The following BRCA1 variants were observed in gnomAD, a reference collection of about 807,000 sequenced individuals.
The protein encoded by BRCA1 is BRCA1 DNA repair associated.
Under a neutral mutation model 173.7 loss-of-function variants are expected in BRCA1, and 140 were observed. The observed-to-expected ratio is 0.81, with a 90% CI of 0.70 to 0.93. BRCA1 has a LOEUF of 0.93. Ranked by LOEUF, BRCA1 falls within the 40% of genes least tolerant of loss-of-function variation. The pLI is 0.00. For missense variants in BRCA1, 1,983 were observed against 2,172.5 expected, an observed-to-expected ratio of 0.91 and a Z score of 1.73; for synonymous variants, 662 against 756.0, an observed-to-expected ratio of 0.88 and a Z score of 2.04.
chr17:43,129,696 G>A (rs1290920479), upstream of BRCA1, among the ~76,000 whole-genome samples: 1 of 152,134 alleles, frequency 6.6e-6, no homozygotes, highest in African/African-American at 2.4e-5. Context: ...GGATGACCTC[G>A]ATCTCCTGAC....
At chr17:43,115,620 C>T (rs1468293574) in intron 3 of BRCA1, 106 bp downstream of exon 3, 4 of 1,128,894 alleles carry the variant, frequency 3.5e-6, no homozygotes, top group Non-Finnish European at 5.2e-6. Context: ...TTTTCGTTCT[C>T]ACTTAATTGA....
At chr17:43,097,483 T>C (rs1421486535) in intron 7 of BRCA1, among the ~76,000 whole-genome samples, 194 bp from the exon 8 acceptor site, 1 of 152,214 alleles carries the variant, frequency 6.6e-6, no homozygotes, top group Non-Finnish European at 1.5e-5. Context: ...CCAGGCACAG[T>C]GGCTCTCACC....
At chr17:43,159,409 G>A (rs1400765403) in intron 1 of BRCA1, 1 of 160,324 alleles carries the variant, frequency 6.2e-6, no homozygotes, top group Non-Finnish European at 1.4e-5. Context: ...GGCCTGGCGG[G>A]GGCTGACCCC....
intron 6 of BRCA1, among the ~76,000 whole-genome samples, chr17:43,100,558 GTATA>G (rs530582154): frequency 6.4e-4 from 23 of 35,910 alleles, no homozygotes; most frequent in African/African-American, 2.0e-3. Flanking sequence ...GTGTGTGTGT[GTATA>G]TATATATATA....
intron 11 of BRCA1, among the ~76,000 whole-genome samples, chr17:43,084,911 C>T (rs927968846): frequency 5.9e-5 from 9 of 152,164 alleles, no homozygotes; most frequent in African/African-American, 1.7e-4. Context: ...CTAACCTCTA[C>T]GTGGCCATTA....
In BRCA1 at chr17:43,158,904, C is replaced by T. The variant is rs1001977673; in HGVS notation, c.-20+11222G>A. Among the ~76,000 whole-genome samples, 8 of 152,086 alleles carry T rather than the reference C, an allele frequency of 5.3e-5. 1 individual carries two copies. In the South Asian group the frequency reaches 1.5e-3, roughly 28 times the overall value. ...TTGAGGGTGTTGTAACTTTAAATAG[C>T]GGTGTCTGGAAATGAAAAGGTGGTA... On this transcript the variant is annotated intron_variant, in intron 1 of 7. Transcript: ENST00000634433.
In BRCA1 at chr17:43,071,246, G is replaced by C. The variant is rs80358021; in HGVS notation, c.4676-8C>G. Reference sequence around the variant, plus strand: ...CCAGGTAAGGGGTTCCCTCTGAAAGGAATGGGAGAAGTTTAATTTACACAA... The same window carrying C: ...CCAGGTAAGGGGTTCCCTCTGAAAGCAATGGGAGAAGTTTAATTTACACAA... On this transcript the variant is annotated splice_polypyrimidine_tract_variant and splice_region_variant and intron_variant, in intron 14 of 22. Coordinates refer to ENST00000357654, the MANE Select transcript of BRCA1 (RefSeq NM_007294.4). 4.6e-5 allele frequency: 74 copies of C among 1,613,080 alleles called. No individual in the cohort carries two copies. The highest frequency in any genetic ancestry group is 3.2e-5 in the Non-Finnish European group (38 of 1,179,276).
chr17:43,073,911 C>T (rs2052566028), intron 14 of BRCA1, among the ~76,000 whole-genome samples: 1 of 152,036 alleles, frequency 6.6e-6, no homozygotes, highest in Middle Eastern at 3.2e-3. Context: ...TGCACTAGCA[C>T]ACCCAGTTAA....
intron 1 of BRCA1, chr17:43,163,571 C>T (rs1188835301): frequency 1.3e-5 from 2 of 152,220 alleles, no homozygotes; most frequent in Admixed American, 1.3e-4. Context: ...CCATAAGGGG[C>T]TTCTCTCGCT....
intron 2 of BRCA1, among the ~76,000 whole-genome samples, chr17:43,121,762 A>G (rs190198082): frequency 2.0e-5 from 3 of 152,234 alleles, no homozygotes; most frequent in Admixed American, 1.3e-4. Flanking sequence ...AGAAAACATA[A>G]TAGTTGATTG....
At chr17:43,090,626 T>A (rs2053414700) in intron 11 of BRCA1, among the ~76,000 whole-genome samples, 1 of 152,198 alleles carries the variant, frequency 6.6e-6, no homozygotes, top group Admixed American at 6.5e-5. Context: ...CCACCCACCT[T>A]GGCCTCCCAA....
intron 1 of BRCA1, among the ~76,000 whole-genome samples, chr17:43,135,267 G>C (rs771681267): frequency 6.6e-6 from 1 of 151,834 alleles, no homozygotes; most frequent in African/African-American, 2.4e-5. Context: ...TGGCCGATCC[G>C]CAGGCCTGCA....
intron 11 of BRCA1, among the ~76,000 whole-genome samples, chr17:43,085,187 C>T (rs989604583): frequency 7.9e-5 from 12 of 152,206 alleles, no homozygotes; most frequent in Admixed American, 2.0e-4. Context: ...TCCCTAAAAG[C>T]CTTGTTTATC....
At chr17:43,060,274 C>G (rs2051690448) in intron 18 of BRCA1, among the ~76,000 whole-genome samples, 1 of 151,974 alleles carries the variant, frequency 6.6e-6, no homozygotes, top group Non-Finnish European at 1.5e-5. Context: ...GGGTTTCTAC[C>G]TCAGTGATCT....
chr17:43,098,210 T>C (rs1244768975), intron 7 of BRCA1, among the ~76,000 whole-genome samples: 3 of 151,906 alleles, frequency 2.0e-5, no homozygotes, highest in East Asian at 3.9e-4. Flanking sequence ...AGAAATTTTT[T>C]TGTAGAGATG....
intron 11 of BRCA1, among the ~76,000 whole-genome samples, chr17:43,087,980 G>T (rs1374239063): frequency 6.6e-6 from 1 of 151,962 alleles, no homozygotes; most frequent in Non-Finnish European, 1.5e-5. Flanking sequence ...TTGACCTCCG[G>T]GGCTCAGGCA....
intron 6 of BRCA1, among the ~76,000 whole-genome samples, chr17:43,100,617 TA>T (rs2054373544): frequency 2.6e-5 from 2 of 76,520 alleles, no homozygotes; most frequent in Non-Finnish European, 4.6e-5. Context: ...AACATATATA[TA>T]ACATATATAT....
chr17:43,166,937 T>C (rs1336190235), intron 1 of BRCA1: 1 of 152,216 alleles, frequency 6.6e-6, no homozygotes, highest in Non-Finnish European at 1.5e-5. Flanking sequence ...CAGGCCATGC[T>C]TCCACTCAAA....
chr17:43,113,980 C>G (rs1056878470), intron 3 of BRCA1, among the ~76,000 whole-genome samples: 1 of 151,714 alleles, frequency 6.6e-6, no homozygotes, highest in African/African-American at 2.4e-5. Flanking sequence ...GAGGCTGAGG[C>G]AGGAGAATCG....
Sources: gnomAD v4.1 joint callset for allele counts (sites outside exome capture counted in the v4.1 genomes callset) on GRCh38, gnomAD v4.1.1 for gene constraint, MANE v1.5 for transcripts, NCBI Gene and HGNC (gene_info 2026-07-23, HGNC 2026-07-21) for gene names.